STX8: variants seen among roughly 807,000 people sequenced by gnomAD.
STX8 encodes syntaxin 8, also known as syntaxin-8.
In STX8, 23 loss-of-function variants were observed where a neutral mutation model predicts 37.5. The observed-to-expected ratio is 0.61, with a 90% confidence interval of 0.44 to 0.87. STX8 has a LOEUF of 0.87. STX8 is among the 40% of genes least tolerant of loss of function. The pLI is 0.00. For missense variants in STX8, 313 were observed against 284.7 expected (o/e 1.10, Z -0.71); for synonymous variants, 115 against 99.1 (o/e 1.16, Z -0.95).
At chr17:9,334,782 G>C (rs1398453142) in intron 7 of STX8, among the ~76,000 whole-genome samples, 2 of 152,166 alleles carry the variant, frequency 1.3e-5, no homozygotes, top group African/African-American at 4.8e-5. Context: ...CCAGGTGGAA[G>C]GGTGGAAGGC....
chr17:9,539,060 T>C (rs1458472958), intron 4 of STX8, among the ~76,000 whole-genome samples: 1 of 152,184 alleles, frequency 6.6e-6, no homozygotes, highest in Non-Finnish European at 1.5e-5. Context: ...TAGTCAACCA[T>C]TGCTTATTTA....
intron 6 of STX8, among the ~76,000 whole-genome samples, chr17:9,385,457 A>G (rs891622202): frequency 3.3e-5 from 5 of 152,238 alleles, no homozygotes; most frequent in Non-Finnish European, 7.3e-5. Context: ...AAGATCTCCT[A>G]CATATTAACA....
At chr17:9,353,463 T>G (rs1910776402) in intron 7 of STX8, among the ~76,000 whole-genome samples, 1 of 152,238 alleles carries the variant, frequency 6.6e-6, no homozygotes, top group Middle Eastern at 3.2e-3. Flanking sequence ...AAGTGGGCAA[T>G]GTATTTATTT....
intron 6 of STX8, among the ~76,000 whole-genome samples, chr17:9,455,336 A>T (rs1199423076): frequency 1.3e-5 from 2 of 151,962 alleles, no homozygotes; most frequent in South Asian, 4.2e-4. Context: ...CGTCTCTACT[A>T]AAAATACAAA....
chr17:9,563,195 T>C lies in STX8; in HGVS notation c.117+5176A>G, dbSNP rs555006585. Among the ~76,000 whole-genome samples the C allele has an allele frequency of 3.8e-3, 565 of 147,512 alleles. 2 individuals carry two copies. The highest frequency in any genetic ancestry group is 5.7e-3 in the Non-Finnish European group (383 of 67,654). On this transcript the variant is annotated intron_variant, in intron 2 of 7. Transcript: ENST00000306357. ...TTTATTTATTTATTTATTTATTTATTTATTGAGACAGAGTTTCATTCTTGT... is the reference window on the plus strand; with the variant it reads ...TTTATTTATTTATTTATTTATTTATCTATTGAGACAGAGTTTCATTCTTGT...
chr17:9,348,621 G>C (rs991729887), intron 7 of STX8, among the ~76,000 whole-genome samples: 1 of 152,098 alleles, frequency 6.6e-6, no homozygotes, highest in Non-Finnish European at 1.5e-5. Flanking sequence ...AGTCATTTGT[G>C]CTAGTTGCTG....
Position 9,504,531 on chromosome 17 carries a change from A to G in STX8, c.448+507T>C, listed in dbSNP as rs369544814. Among the ~76,000 whole-genome samples, 5 of 152,264 alleles carry G rather than the reference A, an allele frequency of 3.3e-5. No individual in the cohort carries two copies. In the East Asian group the frequency reaches 5.8e-4, roughly 18 times the overall value. On this transcript the variant is annotated intron_variant, in intron 5 of 7. Transcript: ENST00000306357. The stretch of plus-strand genomic sequence containing the variant: ...GATCTGCTCTCTCTGCTCTTGCCCA[A>G]TGGAAAATCACCACTTCCATGAGCC...
chr17:9,487,314 T>C (rs1452247990), intron 6 of STX8, among the ~76,000 whole-genome samples: 1 of 152,142 alleles, frequency 6.6e-6, no homozygotes, highest in Non-Finnish European at 1.5e-5. Context: ...GGCCGGTAAA[T>C]CACATGCAGA....
chr17:9,444,650 C>G (rs565104133), intron 6 of STX8, among the ~76,000 whole-genome samples: 46 of 152,174 alleles, frequency 3.0e-4, no homozygotes, highest in Non-Finnish European at 5.3e-4. Context: ...AGCACATCAT[C>G]TTTACTAAAG....
At chr17:9,395,448 G>A (rs1912367517) in intron 6 of STX8, among the ~76,000 whole-genome samples, 1 of 151,982 alleles carries the variant, frequency 6.6e-6, no homozygotes, top group African/African-American at 2.4e-5. Context: ...AAATCAGCCA[G>A]GCACCTGTAA....
intron 6 of STX8, among the ~76,000 whole-genome samples, chr17:9,430,615 T>C (rs1262171704): frequency 1.3e-5 from 2 of 151,760 alleles, no homozygotes; most frequent in African/African-American, 2.4e-5. Flanking sequence ...TACACATTCA[T>C]CTGTTGACGG....
intron 7 of STX8, among the ~76,000 whole-genome samples, chr17:9,331,989 G>A (rs1280381738): frequency 6.6e-6 from 1 of 152,146 alleles, no homozygotes. Context: ...ATACTTGGGC[G>A]GCTAACAATG....
At chr17:9,559,289 A>G (rs1907112379) in intron 2 of STX8, among the ~76,000 whole-genome samples, 1 of 152,192 alleles carries the variant, frequency 6.6e-6, no homozygotes, top group South Asian at 2.1e-4. Flanking sequence ...AGATAACCAC[A>G]TGTCAATCTT....
At chr17:9,549,862 G>A (rs1006408915) in intron 3 of STX8, among the ~76,000 whole-genome samples, 5 of 152,118 alleles carry the variant, frequency 3.3e-5, no homozygotes, top group Admixed American at 6.6e-5. Flanking sequence ...GGACAGGTGC[G>A]TAGCAGTTGG....
At chr17:9,498,411 A>G (rs1904487947) in intron 5 of STX8, among the ~76,000 whole-genome samples, 1 of 151,948 alleles carries the variant, frequency 6.6e-6, no homozygotes, top group Admixed American at 6.6e-5. Context: ...ACAAAAGAAA[A>G]GAAAAATTAG....
intron 6 of STX8, among the ~76,000 whole-genome samples, chr17:9,413,230 A>G (rs1203298889): frequency 6.6e-6 from 1 of 152,190 alleles, no homozygotes; most frequent in African/African-American, 2.4e-5. Context: ...TGAGTAGGAA[A>G]TTCTTTGCTC....
At chr17:9,564,672 G>C (rs1907384605) in intron 2 of STX8, among the ~76,000 whole-genome samples, 2 of 152,120 alleles carry the variant, frequency 1.3e-5, no homozygotes, top group Admixed American at 1.3e-4. Context: ...TCTACAAGAA[G>C]AACTACAAAA....
chr17:9,327,320 AAGG>A (rs1033638375), intron 7 of STX8, among the ~76,000 whole-genome samples: 3 of 150,236 alleles, frequency 2.0e-5, no homozygotes, highest in African/African-American at 7.3e-5. Flanking sequence ...AAGAAGGAAG[AAGG>A]AGAAGAGAAG....
chr17:9,264,151 C>G (rs879436289), intron 7 of STX8, among the ~76,000 whole-genome samples: 4 of 152,210 alleles, frequency 2.6e-5, no homozygotes, highest in Non-Finnish European at 5.9e-5. Context: ...GCCCAGCCAG[C>G]CCCACTGGGT....
Sources: allele counts gnomAD v4.1 joint callset (sites outside exome capture counted in the v4.1 genomes callset), GRCh38; gene constraint gnomAD v4.1.1; transcripts MANE v1.5; gene names NCBI Gene and HGNC (gene_info 2026-07-23, HGNC 2026-07-21).